CAMTA1: variants seen among roughly 807,000 people sequenced by gnomAD.
CAMTA1 encodes calmodulin binding transcription activator 1, also known as calmodulin-binding transcription activator 1.
In CAMTA1, 27 loss-of-function variants were observed where a neutral mutation model predicts 170.9. The ratio of observed to expected loss-of-function variants is 0.16; its 90% CI spans 0.12 to 0.22. The LOEUF (loss-of-function observed/expected upper bound fraction) is 0.22. Ranked by LOEUF, CAMTA1 falls within the 10% of genes least tolerant of loss-of-function variation. The pLI is 1.00. For missense variants in CAMTA1, 1,619 were observed against 2,217.2 expected (o/e 0.73, Z 5.42); for synonymous variants, 833 against 891.5 (o/e 0.93, Z 1.17).
chr1:7,054,449 T>G (rs1386707744), intron 3 of CAMTA1, among the ~76,000 whole-genome samples: 1 of 152,216 alleles, frequency 6.6e-6, no homozygotes, highest in Non-Finnish European at 1.5e-5. Flanking sequence ...TATTTTTCTC[T>G]TTCATTTTTG....
At chr1:7,396,174 A>G (rs1331727952) in intron 5 of CAMTA1, among the ~76,000 whole-genome samples, 3 of 152,172 alleles carry the variant, frequency 2.0e-5, no homozygotes, top group South Asian at 2.1e-4. Context: ...TTCGTGTTCT[A>G]TTAGTTCCCA....
At position 7,456,693 on chromosome 1, in the gene CAMTA1, G is replaced by A. The variant is rs1351337752; in HGVS notation, c.439-11137G>A. The stretch of plus-strand genomic sequence containing the variant: ...AGGACAGATTTCTGAGACACGAAAG[G>A]TGCAGGTCTCCAGCTCCCGCTTGGC... On this transcript the variant is annotated intron_variant, in intron 5 of 22. Coordinates refer to ENST00000303635, the MANE Select transcript of CAMTA1 (RefSeq NM_015215.4). The surrounding 1 kb of genome is among the most constrained non-coding windows in gnomAD (Gnocchi z 4.9). Among the ~76,000 whole-genome samples the A allele has an allele frequency of 1.3e-5, 2 of 152,226 alleles. No homozygotes were observed. Among genetic ancestry groups the A allele is most frequent in the Non-Finnish European group, 2.9e-5 (2 of 68,042 alleles).
At chr1:6,895,013 A>G (rs531211779) in intron 3 of CAMTA1, among the ~76,000 whole-genome samples, 7 of 152,340 alleles carry the variant, frequency 4.6e-5, no homozygotes, top group Admixed American at 3.3e-4. Context: ...GGCAAGAGGT[A>G]GCTCAGGCAA....
At chr1:7,162,625 C>G (rs1647448220) in intron 4 of CAMTA1, among the ~76,000 whole-genome samples, 1 of 152,180 alleles carries the variant, frequency 6.6e-6, no homozygotes, top group Non-Finnish European at 1.5e-5. Flanking sequence ...CATATTTTAG[C>G]ACTTATCAGT....
At chr1:6,823,594 A>G (rs1646770647) in intron 2 of CAMTA1, among the ~76,000 whole-genome samples, 1 of 152,116 alleles carries the variant, frequency 6.6e-6, no homozygotes, top group African/African-American at 2.4e-5. Context: ...AAATCTTTCT[A>G]TATGATGTAG....
intron 11 of CAMTA1, among the ~76,000 whole-genome samples, chr1:7,710,486 G>A (rs772594095): frequency 6.2e-4 from 94 of 151,310 alleles, no homozygotes; most frequent in Non-Finnish European, 9.6e-4. Flanking sequence ...TATAGTCCCA[G>A]CTACTCAGGA....
At chr1:6,915,108 C>T (rs975954123) in intron 3 of CAMTA1, among the ~76,000 whole-genome samples, 1 of 152,066 alleles carries the variant, frequency 6.6e-6, no homozygotes, top group Admixed American at 6.5e-5. Flanking sequence ...TTTTTCAATT[C>T]ATTACTTTTT....
chr1:7,130,949 C>T (rs1333616130), intron 4 of CAMTA1, among the ~76,000 whole-genome samples: 1 of 151,560 alleles, frequency 6.6e-6, no homozygotes, highest in Non-Finnish European at 1.5e-5. Context: ...TTGTTCCTTG[C>T]CTTTTCTTTT....
chr1:7,709,316 C>G (rs898116109), intron 11 of CAMTA1, among the ~76,000 whole-genome samples: 4 of 152,164 alleles, frequency 2.6e-5, no homozygotes, highest in Non-Finnish European at 4.4e-5. Context: ...AGTTATCCAG[C>G]GTGATGCTAC....
At position 7,455,933 on chromosome 1, in the gene CAMTA1, C is replaced by G. The variant is rs1281749499; in HGVS notation, c.439-11897C>G. Reference sequence around the variant, plus strand: ...CACCTGGGGCTGTGTAGCCGAAGCTCCCAGCGCCAGAGGGTACAGCCTGAG... The same window carrying G: ...CACCTGGGGCTGTGTAGCCGAAGCTGCCAGCGCCAGAGGGTACAGCCTGAG... On this transcript the variant is annotated intron_variant, in intron 5 of 22. Coordinates refer to ENST00000303635, the MANE Select transcript of CAMTA1 (RefSeq NM_015215.4). The surrounding 1 kb of genome is among the most constrained non-coding windows in gnomAD (Gnocchi z 5.0). Among the ~76,000 whole-genome samples the G allele has an allele frequency of 6.6e-6, 1 of 152,176 alleles. No individual in the cohort carries two copies. Among genetic ancestry groups the G allele is most frequent in the Non-Finnish European group, 1.5e-5 (1 of 68,030 alleles).
intron 3 of CAMTA1, among the ~76,000 whole-genome samples, chr1:6,954,679 G>C (rs895728897): frequency 3.9e-5 from 6 of 152,296 alleles, no homozygotes; most frequent in Admixed American, 1.3e-4. Context: ...CTCTGAGCTC[G>C]GGGGAGCCCG....
At chr1:7,332,475 C>G (rs1350659317) in intron 5 of CAMTA1, among the ~76,000 whole-genome samples, 1 of 152,166 alleles carries the variant, frequency 6.6e-6, no homozygotes, top group Non-Finnish European at 1.5e-5. Context: ...TAAACCACAC[C>G]TAACTCGCTC....
intron 1 of CAMTA1, among the ~76,000 whole-genome samples, chr1:6,816,804 C>T (rs1289342396): frequency 1.3e-5 from 2 of 152,148 alleles, no homozygotes; most frequent in Non-Finnish European, 1.5e-5. Context: ...CAGACAGGCG[C>T]CTAGAGGGAG....
intron 4 of CAMTA1, among the ~76,000 whole-genome samples, chr1:7,217,570 T>A (rs1004243314): frequency 1.3e-5 from 2 of 152,178 alleles, no homozygotes; most frequent in Non-Finnish European, 2.9e-5. Context: ...TGTATTATGT[T>A]CTACTTGCTG....
intron 3 of CAMTA1, among the ~76,000 whole-genome samples, chr1:6,838,820 G>A (rs894555241): frequency 6.6e-6 from 1 of 152,122 alleles, no homozygotes; most frequent in Admixed American, 6.5e-5. Context: ...GCAATGGTGC[G>A]ATTATAGCTC....
chr1:6,958,918 C>T (rs547525006), intron 3 of CAMTA1, among the ~76,000 whole-genome samples: 4 of 152,222 alleles, frequency 2.6e-5, no homozygotes, highest in East Asian at 1.9e-4. Flanking sequence ...GCTTCGCACA[C>T]GTAATGAGAA....
intron 5 of CAMTA1, among the ~76,000 whole-genome samples, chr1:7,409,247 G>C (rs975133077): frequency 6.6e-6 from 1 of 152,238 alleles, no homozygotes; most frequent in Non-Finnish European, 1.5e-5. Context: ...CGGACCAAGA[G>C]GGGGATGGTG....
intron 7 of CAMTA1, among the ~76,000 whole-genome samples, chr1:7,647,116 C>G (rs1321121592): frequency 6.6e-6 from 1 of 152,212 alleles, no homozygotes; most frequent in African/African-American, 2.4e-5. Context: ...AGGGACCCAG[C>G]TCAGGCTGGG....
chr1:7,170,129 C>T (rs567717817), intron 4 of CAMTA1, among the ~76,000 whole-genome samples: 1 of 152,114 alleles, frequency 6.6e-6, no homozygotes, highest in Non-Finnish European at 1.5e-5. Flanking sequence ...TTAATTTTAG[C>T]TTTCCCTCTT....
Sources: allele counts gnomAD v4.1 joint callset (sites outside exome capture counted in the v4.1 genomes callset), GRCh38; gene constraint gnomAD v4.1.1; non-coding constraint Gnocchi (gnomAD v3.1); transcripts MANE v1.5; gene names NCBI Gene and HGNC (gene_info 2026-07-23, HGNC 2026-07-21).